The following PCDH11X variants were observed in gnomAD, a reference collection of about 807,000 sequenced individuals.
The protein encoded by PCDH11X is protocadherin 11 X-linked.
In PCDH11X, 18 loss-of-function variants were observed where a neutral mutation model predicts 53.3. The observed-to-expected ratio is 0.34, with a 90% CI of 0.23 to 0.50. The LOEUF is 0.50. Ranked by LOEUF, PCDH11X falls within the 20% of genes least tolerant of loss-of-function variation. The pLI is 0.98. For missense variants in PCDH11X, 570 were observed against 1,032.4 expected (o/e 0.55, Z 6.14); for synonymous variants, 279 against 393.3 (o/e 0.71, Z 3.44).
In PCDH11X at chrX:91,781,831, G is replaced by A. The variant is rs771577008; in HGVS notation, c.-379+2147G>A. On this transcript the variant is annotated intron_variant, in intron 1 of 10. Coordinates refer to ENST00000682573, the MANE Select transcript of PCDH11X (RefSeq NM_032968.5). ...GGCGGTCTTGACGAAAGAACCGAGA[G>A]ATGGATGCGCTAAGGTCTAAAGATA... is the stretch of plus-strand genomic sequence containing the variant. Among the ~76,000 whole-genome samples, 6 of 112,634 alleles carry A rather than the reference G, an allele frequency of 5.3e-5. No individual in the cohort carries two copies. The South Asian group carries it at 2.2e-3, about 42-fold the overall frequency.
chrX:92,412,785 C>T (rs186946854), intron 9 of PCDH11X, among the ~76,000 whole-genome samples: 292 of 107,987 alleles, frequency 2.7e-3, no homozygotes, highest in African/African-American at 9.4e-3. Context: ...CAGTCTCTCT[C>T]TCTGTCTCTG....
chrX:92,307,949 C>A (rs1490837417), intron 8 of PCDH11X, among the ~76,000 whole-genome samples: 2 of 105,879 alleles, frequency 1.9e-5, no homozygotes, highest in African/African-American at 6.9e-5. Context: ...ATAAATTTAA[C>A]TGAGGAGGTG....
intron 10 of PCDH11X, among the ~76,000 whole-genome samples, chrX:92,472,328 A>G (rs1220120564): frequency 3.1e-5 from 3 of 98,012 alleles, no homozygotes; most frequent in Admixed American, 2.3e-4. Flanking sequence ...TATGCCAGTT[A>G]TGTCAACACC....
intron 10 of PCDH11X, among the ~76,000 whole-genome samples, chrX:92,617,717 C>G (rs1928136325): frequency 2.7e-5 from 3 of 111,021 alleles, no homozygotes; most frequent in African/African-American, 6.5e-5. Flanking sequence ...TAAGATGATT[C>G]CAGCAAATAA....
chrX:92,013,596 C>A lies in PCDH11X; in HGVS notation c.3033+134323C>A, dbSNP rs144828096. Among the ~76,000 whole-genome samples, 943 of 111,691 alleles carry A rather than the reference C, an allele frequency of 8.4e-3. 8 individuals are homozygous for A. The highest frequency in any genetic ancestry group is 0.044 in the South Asian group (118 of 2,663). ...ACAAGTCAATCCTCAGCCAAAAGAA[C>A]AAAGCTGGAGGCATCACACCACCTG... On this transcript the variant is annotated intron_variant, in intron 6 of 10. Transcript: ENST00000682573.
chrX:92,375,413 C>T (rs2070729069), intron 8 of PCDH11X, among the ~76,000 whole-genome samples: 1 of 99,388 alleles, frequency 1.0e-5, no homozygotes, highest in Non-Finnish European at 2.0e-5. Context: ...CTCCTGACCT[C>T]ATGATCCACC....
intron 5 of PCDH11X, among the ~76,000 whole-genome samples, chrX:91,848,274 A>G (rs1937805921): frequency 1.9e-5 from 2 of 107,674 alleles, no homozygotes; most frequent in African/African-American, 6.8e-5. Context: ...ATCTCGGCTC[A>G]CTGCAGACTC....
intron 9 of PCDH11X, among the ~76,000 whole-genome samples, chrX:92,438,067 A>G (rs1267969720): frequency 9.0e-6 from 1 of 111,717 alleles, no homozygotes; most frequent in Non-Finnish European, 1.9e-5. Context: ...AGCAAACACA[A>G]TATTTTAGAG....
In PCDH11X at chrX:91,877,290, T is replaced by C. The variant is rs371631313; in HGVS notation, c.1050T>C (p.Asp350=). Residue 350 remains aspartate (D), a synonymous_variant, in exon 6 of 11, where the codon GAT becomes GAC. Transcript: ENST00000682573. ...MVLVNVTDVN[D]NVPSIDIRYI... ...TGGTAAATGTTACAGATGTCAATGA[T>C]AATGTCCCATCCATTGACATAAGAT... 12 of 1,102,642 alleles carry C rather than the reference T, an allele frequency of 1.1e-5. No homozygotes were observed. In the African/African-American group the frequency reaches 2.4e-4, roughly 22 times the overall value. 90.9% of individuals were successfully genotyped at this position (1,102,642 alleles called of 1,213,427 possible). A position where few individuals can be genotyped will look rare whatever the true frequency, so the allele number is the denominator to read the frequency against.
chrX:92,509,398 C>G (rs1192923344), intron 10 of PCDH11X, among the ~76,000 whole-genome samples: 5 of 108,571 alleles, frequency 4.6e-5, no homozygotes. Flanking sequence ...ACTCAAGAAT[C>G]TGTTTATCCT....
intron 5 of PCDH11X, among the ~76,000 whole-genome samples, chrX:91,843,622 T>C (rs1274409596): frequency 9.0e-6 from 1 of 111,004 alleles, no homozygotes; most frequent in African/African-American, 3.3e-5. Flanking sequence ...TTGGCCATAT[T>C]TATTATGTTA....
At chrX:92,262,818 C>T (rs772950796) in intron 7 of PCDH11X, among the ~76,000 whole-genome samples, 2 of 110,810 alleles carry the variant, frequency 1.8e-5, no homozygotes, top group Admixed American at 9.6e-5. Flanking sequence ...TTGGTTAATG[C>T]GTAAGTGAGC....
chrX:92,503,119 GA>G (rs34449115), intron 10 of PCDH11X, among the ~76,000 whole-genome samples: 2 of 110,614 alleles, frequency 1.8e-5, no homozygotes, highest in Middle Eastern at 4.6e-3. Context: ...ACAAACATAT[GA>G]AAAAAAGTTC....
At chrX:92,504,463 A>G (rs2074015367) in intron 10 of PCDH11X, among the ~76,000 whole-genome samples, 1 of 111,794 alleles carries the variant, frequency 8.9e-6, no homozygotes, top group Non-Finnish European at 1.9e-5. Flanking sequence ...TTATGGCTAC[A>G]TAGTATTGGA....
In PCDH11X at chrX:92,478,790, C is replaced by T. The variant is rs771323461; in HGVS notation, c.3367+10468C>T. ...CATTTGCTGAGTAGTGTTTTGTGTCCGATTATGTGGTCAATTTTAGAGTAT... is the reference window on the plus strand; with the variant it reads ...CATTTGCTGAGTAGTGTTTTGTGTCTGATTATGTGGTCAATTTTAGAGTAT... On this transcript the variant is annotated intron_variant, in intron 10 of 10. Transcript: ENST00000682573. Among the ~76,000 whole-genome samples the T allele has an allele frequency of 2.9e-3, 315 of 109,214 alleles. 3 individuals carry two copies. Among genetic ancestry groups the T allele is most frequent in the East Asian group, 0.019 (64 of 3,458 alleles). The allele number at this position is 109,214 out of a possible 115,157, so 94.8% of individuals were successfully genotyped here.
intron 10 of PCDH11X, among the ~76,000 whole-genome samples, chrX:92,604,090 G>C (rs1926530827): frequency 9.3e-6 from 1 of 107,976 alleles, no homozygotes; most frequent in Admixed American, 1.0e-4. Flanking sequence ...ACAAAGATAG[G>C]TAGAAGCAAA....
chrX:92,204,632 C>T (rs1237915919), intron 7 of PCDH11X, among the ~76,000 whole-genome samples: 1 of 112,321 alleles, frequency 8.9e-6, no homozygotes, highest in Non-Finnish European at 1.9e-5. Context: ...ACTGTTGAAA[C>T]TGTTCCAACC....
intron 8 of PCDH11X, among the ~76,000 whole-genome samples, chrX:92,348,526 T>TATTATTATG (rs1197301833): frequency 7.6e-5 from 8 of 104,679 alleles, no homozygotes; most frequent in Non-Finnish European, 1.4e-4. Context: ...TTATTATTAT[T>TATTATTATG]ATTATTATTA....
intron 6 of PCDH11X, among the ~76,000 whole-genome samples, chrX:92,032,972 G>A (rs1273103169): frequency 1.9e-5 from 2 of 106,933 alleles, no homozygotes; most frequent in Non-Finnish European, 3.8e-5. Context: ...TCGCCACCAT[G>A]CCTGGCTACA....
Sources: allele counts gnomAD v4.1 joint callset (sites outside exome capture counted in the v4.1 genomes callset), GRCh38; gene constraint gnomAD v4.1.1; transcripts MANE v1.5; gene names NCBI Gene and HGNC (gene_info 2026-07-23, HGNC 2026-07-21).